Variants in NKAIN3 observed in about 807,000 individuals in gnomAD.
The protein encoded by NKAIN3 is sodium/potassium-transporting ATPase subunit beta-1-interacting protein 3.
In NKAIN3, 25 loss-of-function variants were observed where a neutral mutation model predicts 30.2. That is an observed-to-expected ratio of 0.83 (90% CI 0.60 to 1.16). NKAIN3 has a LOEUF of 1.16. Among genes scored for constraint, NKAIN3 ranks in the 50% most tolerant of loss-of-function variants. The probability of loss-of-function intolerance (pLI) is 0.00; values close to 1 mark genes in which losing one functional copy is unlikely to be tolerated. For missense variants in NKAIN3, 225 were observed against 254.1 expected, an observed-to-expected ratio of 0.89 and a Z score of 0.78; for synonymous variants, 91 against 89.6, an observed-to-expected ratio of 1.02 and a Z score of -0.09.
intron 3 of NKAIN3, among the ~76,000 whole-genome samples, chr8:62,594,626 G>A (rs542813115): frequency 9.9e-5 from 15 of 152,126 alleles, no homozygotes; most frequent in African/African-American, 2.9e-4. Context: ...TCTGTCACAT[G>A]GCAGAAGCAT....
At chr8:62,426,706 G>A (rs147838344) in intron 1 of NKAIN3, among the ~76,000 whole-genome samples, 2 of 151,988 alleles carry the variant, frequency 1.3e-5, no homozygotes, top group Non-Finnish European at 1.5e-5. Flanking sequence ...GTAAAAAAAA[G>A]GCTGAAGTGA....
chr8:62,275,419 A>G (rs1812916145), intron 1 of NKAIN3, among the ~76,000 whole-genome samples: 1 of 152,160 alleles, frequency 6.6e-6, no homozygotes, highest in Non-Finnish European at 1.5e-5. Flanking sequence ...TTCCATTTTG[A>G]TTAGAAAAAG....
chr8:62,447,994 C>A (rs1053511338), intron 1 of NKAIN3, among the ~76,000 whole-genome samples: 1 of 151,786 alleles, frequency 6.6e-6, no homozygotes, highest in East Asian at 1.9e-4. Flanking sequence ...GGTGTAACTG[C>A]GCCAAAGGAA....
chr8:62,475,286 G>T (rs2129600268), intron 1 of NKAIN3, among the ~76,000 whole-genome samples: 1 of 152,272 alleles, frequency 6.6e-6, no homozygotes, highest in African/African-American at 2.4e-5. Flanking sequence ...AAGTCTTCAT[G>T]ATATTAATTA....
At chr8:62,943,946 G>A (rs1056918383) in intron 5 of NKAIN3, among the ~76,000 whole-genome samples, 4 of 151,914 alleles carry the variant, frequency 2.6e-5, no homozygotes, top group South Asian at 4.2e-4. Flanking sequence ...ACTTATAAAT[G>A]GGAGCTAAGC....
At chr8:62,823,925 A>G (rs76648973) in intron 4 of NKAIN3, among the ~76,000 whole-genome samples, 1 of 152,314 alleles carries the variant, frequency 6.6e-6, no homozygotes, top group Non-Finnish European at 1.5e-5. Context: ...GGAAAGTTTC[A>G]TACAAGAAAT....
At chr8:62,993,952 G>A (rs1804044910) in intron 5 of NKAIN3, among the ~76,000 whole-genome samples, 1 of 152,106 alleles carries the variant, frequency 6.6e-6, no homozygotes, top group Non-Finnish European at 1.5e-5. Flanking sequence ...TCTAACTTCA[G>A]GTCACTGGTT....
At chr8:62,409,552 G>A (rs1329593626) in intron 1 of NKAIN3, among the ~76,000 whole-genome samples, 1 of 151,948 alleles carries the variant, frequency 6.6e-6, no homozygotes, top group Non-Finnish European at 1.5e-5. Flanking sequence ...GAATTTTACA[G>A]GCCTATGATC....
intron 1 of NKAIN3, among the ~76,000 whole-genome samples, chr8:62,521,501 A>G (rs997561982): frequency 6.6e-6 from 1 of 152,266 alleles, no homozygotes; most frequent in Non-Finnish European, 1.5e-5. Context: ...AGAGGGGCAG[A>G]CACATGTTCC....
intron 3 of NKAIN3, among the ~76,000 whole-genome samples, chr8:62,607,180 T>A (rs1811155284): frequency 6.6e-6 from 1 of 152,306 alleles, no homozygotes; most frequent in African/African-American, 2.4e-5. Flanking sequence ...CAGAAAAGAT[T>A]AGGCCAGTTA....
chr8:62,475,617 A>T (rs1451835), intron 1 of NKAIN3, among the ~76,000 whole-genome samples: 53,032 of 152,000 alleles, frequency 0.35, 10,211 homozygotes, highest in South Asian at 0.45. Context: ...AGGATCCCAG[A>T]ATCCACCCTC....
At chr8:62,472,028 T>TA (rs55865884) in intron 1 of NKAIN3, among the ~76,000 whole-genome samples, 96,478 of 140,344 alleles carry the variant, frequency 0.69, 32,974 homozygotes, top group East Asian at 0.74. Flanking sequence ...AGACTCTGTT[T>TA]AAAAAAAAAA....
chr8:62,484,291 G>A lies in NKAIN3; in HGVS notation c.55-95248G>A, dbSNP rs563937027. On this transcript the variant is annotated intron_variant, in intron 1 of 6. Transcript: ENST00000623646. ...TATTTCCCTCTTTCCAGGATGTCTCGCCCCCAGGCATCTTCCTACCCCAAC... is the reference window on the plus strand; with the variant it reads ...TATTTCCCTCTTTCCAGGATGTCTCACCCCCAGGCATCTTCCTACCCCAAC... Among the ~76,000 whole-genome samples the A allele has an allele frequency of 2.4e-4, 36 of 152,136 alleles. No homozygotes were observed. In the East Asian group the frequency reaches 4.5e-3, roughly 19 times the overall value.
intron 1 of NKAIN3, among the ~76,000 whole-genome samples, chr8:62,448,570 G>C (rs1318074741): frequency 1.3e-5 from 2 of 151,056 alleles, no homozygotes; most frequent in Non-Finnish European, 3.0e-5. Flanking sequence ...AATTGAGATT[G>C]TACAATACAT....
intron 3 of NKAIN3, among the ~76,000 whole-genome samples, chr8:62,661,298 G>T (rs1307696087): frequency 6.6e-6 from 1 of 152,102 alleles, no homozygotes; most frequent in African/African-American, 2.4e-5. Flanking sequence ...GCACTTTTCT[G>T]TCTGTGCCAC....
intron 2 of NKAIN3, among the ~76,000 whole-genome samples, chr8:62,580,107 CAA>C (rs1563468023): frequency 6.6e-6 from 1 of 152,044 alleles, no homozygotes; most frequent in East Asian, 1.9e-4. Context: ...TCACTGAAAA[CAA>C]TAATGTATTT....
intron 1 of NKAIN3, among the ~76,000 whole-genome samples, chr8:62,557,304 G>T (rs916151751): frequency 2.0e-5 from 3 of 151,998 alleles, no homozygotes; most frequent in East Asian, 3.8e-4. Context: ...TCACTTGTTG[G>T]TTGATGGGCA....
intron 4 of NKAIN3, among the ~76,000 whole-genome samples, chr8:62,790,551 G>T (rs79795850): frequency 9.3e-5 from 7 of 75,180 alleles, no homozygotes; most frequent in African/African-American, 4.3e-4. Context: ...TCTTTTCCTT[G>T]TGTGTGTGTG....
intron 3 of NKAIN3, among the ~76,000 whole-genome samples, chr8:62,614,256 A>G (rs1029100769): frequency 2.0e-5 from 3 of 152,212 alleles, no homozygotes; most frequent in African/African-American, 7.2e-5. Flanking sequence ...TTGCAGACTC[A>G]TAGGAATACT....
Sources: gnomAD v4.1 joint callset for allele counts (sites outside exome capture counted in the v4.1 genomes callset) on GRCh38, gnomAD v4.1.1 for gene constraint, MANE v1.5 for transcripts, NCBI Gene and HGNC (gene_info 2026-07-23, HGNC 2026-07-21) for gene names.